The following C1D variants were observed in gnomAD, a reference collection of about 807,000 sequenced individuals.
C1D encodes C1D nuclear receptor corepressor, also known as nuclear nucleic acid-binding protein C1D.
Under a neutral mutation model 17.5 loss-of-function variants are expected in C1D, and 10 were observed. The observed-to-expected ratio is 0.57, with a 90% CI of 0.35 to 0.97. The LOEUF (loss-of-function observed/expected upper bound fraction) is 0.97. Ranked by LOEUF, C1D falls within the 50% of genes least tolerant of loss-of-function variation. The pLI is 0.01. For synonymous variants in C1D, 49 were observed against 54.0 expected, an observed-to-expected ratio of 0.91 and a Z score of 0.40; for missense variants, 136 against 160.1, an observed-to-expected ratio of 0.85 and a Z score of 0.81.
intron 1 of C1D, among the ~76,000 whole-genome samples, chr2:68,047,738 T>C (rs1274206265): frequency 6.6e-6 from 1 of 152,230 alleles, no homozygotes; most frequent in Non-Finnish European, 1.5e-5. Flanking sequence ...GTAATTTTTT[T>C]GTATTTTTAC....
intron 1 of C1D, among the ~76,000 whole-genome samples, chr2:68,061,330 T>C (rs948783434): frequency 6.6e-6 from 1 of 152,236 alleles, no homozygotes; most frequent in African/African-American, 2.4e-5. Context: ...CACAGTACAA[T>C]TCCTGAGTAA....
intron 1 of C1D, among the ~76,000 whole-genome samples, chr2:68,061,003 T>G (rs537422724): frequency 6.6e-6 from 1 of 152,308 alleles, no homozygotes; most frequent in South Asian, 2.1e-4. Context: ...TACTAGAAAG[T>G]CACCACATGG....
chr2:68,045,998 T>C lies in C1D; in HGVS notation c.251A>G (p.Lys84Arg). 1 of 1,588,306 alleles carries C rather than the reference T, an allele frequency of 6.3e-7. No homozygotes were observed. The highest frequency in any genetic ancestry group is 8.6e-7 in the Non-Finnish European group (1 of 1,166,828). Reference sequence around the variant, plus strand: ...AAATTAAAATCTTACCAATTCCTGTTTTACTGGATGTTCCTTAGGATTAAC... The same window carrying C: ...AAATTAAAATCTTACCAATTCCTGTCTTACTGGATGTTCCTTAGGATTAAC... Reference protein sequence around the residue: ...QGVNPKEHPVKQELERIRVYM... With the variant: ...QGVNPKEHPVRQELERIRVYM... The change falls in exon 4 of 5, where the codon AAA (lysine) becomes AGA (arginine). Residue 84 changes from lysine to arginine, a missense_variant. Lys to Arg is a conservative substitution (Grantham distance 26). Transcript: ENST00000410067.
At chr2:68,053,501 A>C (rs1671346044) in intron 1 of C1D, among the ~76,000 whole-genome samples, 1 of 152,092 alleles carries the variant, frequency 6.6e-6, no homozygotes, top group Non-Finnish European at 1.5e-5. Flanking sequence ...ATTCTCACTG[A>C]CTAGATTATT....
At chr2:68,061,442 G>A (rs1671625953) in intron 1 of C1D, among the ~76,000 whole-genome samples, 1 of 152,190 alleles carries the variant, frequency 6.6e-6, no homozygotes, top group African/African-American at 2.4e-5. Flanking sequence ...TATTGCTCAA[G>A]ATTGAGATGA....
intron 1 of C1D, among the ~76,000 whole-genome samples, chr2:68,061,348 C>T (rs1256051713): frequency 3.9e-5 from 6 of 152,198 alleles, no homozygotes; most frequent in African/African-American, 9.6e-5. Context: ...TAAATATAGA[C>T]TTCTTCCTTT....
chr2:68,051,641 G>T (rs1261718303), intron 1 of C1D, among the ~76,000 whole-genome samples: 1 of 151,978 alleles, frequency 6.6e-6, no homozygotes, highest in Non-Finnish European at 1.5e-5. Flanking sequence ...CAGCCACATT[G>T]TTCTTCCCCC....
intron 1 of C1D, among the ~76,000 whole-genome samples, chr2:68,050,615 T>C (rs1462277763): frequency 2.0e-5 from 3 of 152,186 alleles, no homozygotes; most frequent in South Asian, 2.1e-4. Context: ...GTCTCTTCGA[T>C]GCATCCTTCT....
chr2:68,060,363 TGGGCGCAGTGACTGACGCCTGTAATCC>T (rs1671586001), intron 1 of C1D, among the ~76,000 whole-genome samples: 3 of 152,166 alleles, frequency 2.0e-5, no homozygotes, highest in Non-Finnish European at 4.4e-5. Context: ...TGAGTCAGGC[TGGGCGCAGTGACTGACGCCTGTAATCC>T]CAGCACTTTA....
chr2:68,043,159 C>G, intron 4 of C1D, 106 bp from the exon 5 acceptor site: 1 of 822,652 alleles, frequency 1.2e-6, no homozygotes, highest in East Asian at 2.7e-5. Flanking sequence ...GTATTTATTG[C>G]CTATTAAAGT....
At chr2:68,054,637 G>A (rs964962514) in intron 1 of C1D, among the ~76,000 whole-genome samples, 1 of 151,740 alleles carries the variant, frequency 6.6e-6, no homozygotes, top group Non-Finnish European at 1.5e-5. Flanking sequence ...AAATATCTGG[G>A]GGCTACAGCC....
chr2:68,060,498 C>A (rs1024145579), intron 1 of C1D, among the ~76,000 whole-genome samples: 6 of 152,068 alleles, frequency 3.9e-5, no homozygotes, highest in African/African-American at 1.4e-4. Flanking sequence ...AAAAAATTAG[C>A]TGGGCATGGC....
intron 1 of C1D, among the ~76,000 whole-genome samples, chr2:68,054,003 G>A (rs186266369): frequency 4.1e-4 from 63 of 152,294 alleles, no homozygotes; most frequent in African/African-American, 1.4e-3. Flanking sequence ...ATCTCTTAAT[G>A]TATTTTTATT....
rs754531817 is a variant in C1D at position 68,042,917 on chromosome 2, A to C, written c.398T>G (p.Val133Gly). The part of the protein sequence containing the change: ...WEPKSKNASK[V>G]ANKGKSKS ...ACTTTTACTTTTTCCTTTATTGGCA[A>C]CTTTTGATGCATTTTTCGATTTTGG... is the stretch of plus-strand genomic sequence containing the variant. Residue 133 changes from valine to glycine, a missense_variant, in exon 5 of 5, where the codon GTT (valine) becomes GGT (glycine). By Grantham distance (109) the Val-to-Gly change is moderately radical (BLOSUM62 -3). Coordinates refer to ENST00000410067, the MANE Select transcript of C1D (RefSeq NM_173177.3). 33 of 1,564,996 alleles carry C rather than the reference A, an allele frequency of 2.1e-5. No homozygotes were observed. Among genetic ancestry groups the C allele is most frequent in the Non-Finnish European group, 2.6e-5 (30 of 1,154,856 alleles).
At chr2:68,057,669 C>T (rs904891436) in intron 1 of C1D, among the ~76,000 whole-genome samples, 1 of 152,112 alleles carries the variant, frequency 6.6e-6, no homozygotes, top group East Asian at 1.9e-4. Flanking sequence ...TATAATAATA[C>T]TTAAGTTTAT....
At chr2:68,060,738 A>G (rs1266653359) in intron 1 of C1D, among the ~76,000 whole-genome samples, 2 of 152,064 alleles carry the variant, frequency 1.3e-5, no homozygotes, top group African/African-American at 4.8e-5. Flanking sequence ...AGTAAAATAA[A>G]ATAAAATAAA....
intron 1 of C1D, chr2:68,053,206 G>A (rs554648473): frequency 5.2e-6 from 8 of 1,549,206 alleles, no homozygotes; most frequent in African/African-American, 4.1e-5. Flanking sequence ...AGTAAGGTGT[G>A]GCTGAGACTG....
At chr2:68,052,202 G>A (rs1213566843) in intron 1 of C1D, among the ~76,000 whole-genome samples, 2 of 151,656 alleles carry the variant, frequency 1.3e-5, no homozygotes, top group South Asian at 2.1e-4. Context: ...TATGCCATTT[G>A]GTTTTTAAAA....
intron 1 of C1D, among the ~76,000 whole-genome samples, chr2:68,053,579 A>G (rs1671348460): frequency 6.6e-6 from 1 of 152,186 alleles, no homozygotes; most frequent in Non-Finnish European, 1.5e-5. Context: ...ATATTACAAA[A>G]TATGCTTTAA....
Sources: gnomAD v4.1 joint callset for allele counts (sites outside exome capture counted in the v4.1 genomes callset) on GRCh38, gnomAD v4.1.1 for gene constraint, MANE v1.5 for transcripts, NCBI Gene and HGNC (gene_info 2026-07-23, HGNC 2026-07-21) for gene names.